The following PCDHGA1 variants were observed in gnomAD, a reference collection of about 807,000 sequenced individuals.
The protein encoded by PCDHGA1 is protocadherin gamma-A1.
A neutral mutation model predicts 58.0 loss-of-function variants in PCDHGA1; 32 were observed. That is an observed-to-expected ratio of 0.55 (90% CI 0.42 to 0.74). The LOEUF is 0.74. PCDHGA1 is among the 30% of genes least tolerant of loss of function. The pLI is 0.00. For missense variants in PCDHGA1, 1,205 were observed against 1,182.3 expected, an observed-to-expected ratio of 1.02 and a Z score of -0.28; for synonymous variants, 498 against 501.1, an observed-to-expected ratio of 0.99 and a Z score of 0.08.
Position 141,384,133 on chromosome 5 carries a change from C to T in PCDHGA1, c.2421+51028C>T, listed in dbSNP as rs770731491. 9.3e-6 allele frequency: 15 copies of T among 1,611,570 alleles called. No individual in the cohort carries two copies. Among genetic ancestry groups the T allele is most frequent in the Admixed American group, 1.7e-5 (1 of 59,646 alleles). On this transcript the variant is annotated intron_variant, in intron 1 of 3. Coordinates refer to ENST00000517417, the MANE Select transcript of PCDHGA1 (RefSeq NM_018912.3). ...ATTGGTCACAACCAAAAACTTGGAC[C>T]GGGAAACACTCTCTTTGTATAACAT... is the stretch of plus-strand genomic sequence containing the variant.
chr5:141,421,548 G>A, intron 1 of PCDHGA1: 19 of 1,613,984 alleles, frequency 1.2e-5, no homozygotes, highest in Non-Finnish European at 1.6e-5. Flanking sequence ...TTTTAAATAT[G>A]GAACTTCTCG....
chr5:141,345,116 C>T, intron 1 of PCDHGA1: 1 of 1,613,858 alleles, frequency 6.2e-7, no homozygotes, highest in Non-Finnish European at 8.5e-7. Flanking sequence ...AAGAGGGCAC[C>T]GTTGGAAGAG....
intron 1 of PCDHGA1, chr5:141,389,438 C>A (rs781427097): frequency 6.2e-7 from 1 of 1,610,474 alleles, no homozygotes; most frequent in Non-Finnish European, 8.5e-7. Context: ...AGCGCGCCTT[C>A]GACCACGAGC....
At chr5:141,415,306 T>G (rs2095852502) in intron 1 of PCDHGA1, 2 of 1,614,222 alleles carry the variant, frequency 1.2e-6, no homozygotes, top group Non-Finnish European at 8.5e-7. Context: ...CTTCCTGGCC[T>G]TCGTCATCGT....
At chr5:141,408,308 T>C in intron 1 of PCDHGA1, 1 of 1,613,744 alleles carries the variant, frequency 6.2e-7, no homozygotes, top group South Asian at 1.1e-5. Flanking sequence ...GATCCGCTAC[T>C]CGATTCCGGA....
rs775654786 is a variant in PCDHGA1 at position 141,491,718 on chromosome 5, G to A, written c.2422-3089G>A. Reference sequence around the variant, plus strand: ...GGAGCCAGGTGAGGGGCTCGGCGCCGCCCCGGGCGACCCCTGGGGGCGGCA... The same window carrying A: ...GGAGCCAGGTGAGGGGCTCGGCGCCACCCCGGGCGACCCCTGGGGGCGGCA... On this transcript the variant is annotated intron_variant, in intron 1 of 3. Coordinates refer to ENST00000517417, the MANE Select transcript of PCDHGA1 (RefSeq NM_018912.3). This position sits in a 1 kb window ranked among gnomAD's most constrained non-coding sequence, Gnocchi z 6.9. 1 of 1,607,600 alleles carries A rather than the reference G, an allele frequency of 6.2e-7. No homozygotes were observed. The highest frequency in any genetic ancestry group is 2.2e-5 in the East Asian group (1 of 44,690).
chr5:141,370,143 C>G (rs931664549), intron 1 of PCDHGA1: 1 of 431,310 alleles, frequency 2.3e-6, no homozygotes, highest in African/African-American at 2.0e-5. Context: ...ATTTAGTCAC[C>G]ATTACTGCAG....
At chr5:141,352,843 T>C (rs1158383642) in intron 1 of PCDHGA1, 4 of 698,596 alleles carry the variant, frequency 5.7e-6, no homozygotes, top group East Asian at 2.7e-5. Context: ...CAAAAATTAG[T>C]TGGGTGTGGT....
At chr5:141,387,036 C>G (rs1026680473) in intron 1 of PCDHGA1, among the ~76,000 whole-genome samples, 1 of 152,116 alleles carries the variant, frequency 6.6e-6, no homozygotes, top group Non-Finnish European at 1.5e-5. Flanking sequence ...ATTTCATAAC[C>G]AGTAAAATAA....
chr5:141,357,520 A>G (rs1385888132), intron 1 of PCDHGA1: 2 of 1,614,216 alleles, frequency 1.2e-6, no homozygotes, highest in Non-Finnish European at 1.7e-6. Flanking sequence ...CTCCCAACCC[A>G]GCTATGCAGA....
chr5:141,395,547 TGTGTGTGTGTGTGTGTGTGTGTG>T, intron 1 of PCDHGA1: 1 of 173,894 alleles, frequency 5.8e-6, no homozygotes, highest in Non-Finnish European at 1.2e-5. Context: ...ATTGTTTGTG[TGTGTGTGTGTGTGTGTGTGTGTG>T]TGTGTGTGTG....
intron 1 of PCDHGA1, chr5:141,422,903 A>G (rs1444530801): frequency 1.9e-6 from 3 of 1,614,036 alleles, no homozygotes; most frequent in African/African-American, 2.7e-5. Context: ...CAGAACGACA[A>G]TGCGCCCGAG....
intron 1 of PCDHGA1, chr5:141,340,332 G>A (rs886859909): frequency 1.2e-6 from 2 of 1,613,882 alleles, no homozygotes; most frequent in Admixed American, 1.7e-5. Flanking sequence ...GCCTTCTCCC[G>A]CACATCCTAC....
At position 141,409,547 on chromosome 5, in the gene PCDHGA1, G is replaced by T. The variant is rs760802690; in HGVS notation, c.2421+76442G>T. Reference sequence around the variant, plus strand: ...GTATGTCGCTGACATCAACGACAACGCCCCAGTTTTCGACCAGACGTCCTA... The same window carrying T: ...GTATGTCGCTGACATCAACGACAACTCCCCAGTTTTCGACCAGACGTCCTA... On this transcript the variant is annotated intron_variant, in intron 1 of 3. Coordinates refer to ENST00000517417, the MANE Select transcript of PCDHGA1 (RefSeq NM_018912.3). The T allele has an allele frequency of 2.4e-5, 39 of 1,613,818 alleles. No individual in the cohort carries two copies. The highest frequency in any genetic ancestry group is 3.1e-5 in the Non-Finnish European group (36 of 1,179,900).
At chr5:141,341,651 G>A in intron 1 of PCDHGA1, 1 of 675,922 alleles carries the variant, frequency 1.5e-6, no homozygotes, top group Non-Finnish European at 2.4e-6. Flanking sequence ...ACTGCATTAG[G>A]AACTAGGGTG....
chr5:141,454,657 CG>C (rs1313292109), intron 1 of PCDHGA1, among the ~76,000 whole-genome samples: 1 of 152,074 alleles, frequency 6.6e-6, no homozygotes, highest in Admixed American at 6.6e-5. Flanking sequence ...CTGCCCACCT[CG>C]GCCTCCCAAA....
Position 141,332,726 on chromosome 5 carries a change from C to G in PCDHGA1, c.2042C>G (p.Ser681Cys). ...ILADLGSLEP[S>C]AKPNDSDLTL... The stretch of plus-strand genomic sequence containing the variant: ...GCCGACCTGGGCAGCCTCGAGCCCT[C>G]CGCCAAACCCAACGATTCGGACCTC... The change falls in exon 1 of 4, where the codon TCC becomes TGC. Residue 681 changes from serine (S) to cysteine (C), a missense_variant. Ser to Cys is a moderately radical substitution (Grantham distance 112). Transcript: ENST00000517417. This position sits in a 1 kb window ranked among gnomAD's most constrained non-coding sequence, Gnocchi z 4.6. 1.9e-6 allele frequency: 3 copies of G among 1,614,044 alleles called. No individual in the cohort carries two copies. Among genetic ancestry groups the G allele is most frequent in the Non-Finnish European group, 2.5e-6 (3 of 1,179,974 alleles).
chr5:141,373,138 T>G (rs1047353742), intron 1 of PCDHGA1, among the ~76,000 whole-genome samples: 9 of 152,246 alleles, frequency 5.9e-5, no homozygotes, highest in African/African-American at 2.2e-4. Flanking sequence ...TCCTCACAAT[T>G]AAGTGGTTTA....
intron 1 of PCDHGA1, chr5:141,340,127 C>G: frequency 1.2e-6 from 2 of 1,614,186 alleles, no homozygotes; most frequent in Non-Finnish European, 1.7e-6. Context: ...CACCTGTTCA[C>G]TCCCCGAGGA....
Sources: allele counts gnomAD v4.1 joint callset (sites outside exome capture counted in the v4.1 genomes callset), GRCh38; gene constraint gnomAD v4.1.1; non-coding constraint Gnocchi (gnomAD v3.1); transcripts MANE v1.5; gene names NCBI Gene and HGNC (gene_info 2026-07-23, HGNC 2026-07-21).